Variants in MAGI2 observed in about 807,000 individuals in gnomAD.
MAGI2 encodes the protein membrane-associated guanylate kinase, WW and PDZ domain-containing protein 2.
Under a neutral mutation model 133.3 loss-of-function variants are expected in MAGI2, and 35 were observed. That is an observed-to-expected ratio of 0.26 (90% CI 0.20 to 0.35). The LOEUF (loss-of-function observed/expected upper bound fraction) is 0.35. MAGI2 is among the 10% of genes least tolerant of loss of function. MAGI2 has a pLI of 1.00. For synonymous variants in MAGI2, 729 were observed against 710.6 expected (o/e 1.03, Z -0.41); for missense variants, 1,636 against 1,863.4 (o/e 0.88, Z 2.25).
intron 6 of MAGI2, among the ~76,000 whole-genome samples, chr7:78,375,491 T>C (rs1358485083): frequency 1.3e-5 from 2 of 152,110 alleles, no homozygotes; most frequent in Non-Finnish European, 2.9e-5. Flanking sequence ...AATCATGCAA[T>C]GTACTAAGAT....
intron 2 of MAGI2, among the ~76,000 whole-genome samples, chr7:78,635,001 G>C (rs1206320254): frequency 6.6e-6 from 1 of 152,056 alleles, no homozygotes; most frequent in Non-Finnish European, 1.5e-5. Flanking sequence ...CTAAGTTGAG[G>C]CTTTGTTTCA....
chr7:79,136,703 C>T (rs1235336647), intron 1 of MAGI2, among the ~76,000 whole-genome samples: 3 of 152,158 alleles, frequency 2.0e-5, no homozygotes, highest in African/African-American at 4.8e-5. Context: ...GCTCTGGTTA[C>T]ATTTTGTTAT....
At chr7:78,782,787 T>A (rs1826501061) in intron 2 of MAGI2, among the ~76,000 whole-genome samples, 1 of 152,000 alleles carries the variant, frequency 6.6e-6, no homozygotes, top group Non-Finnish European at 1.5e-5. Context: ...TTTTGTAAAC[T>A]TTGACAGTAC....
intron 6 of MAGI2, among the ~76,000 whole-genome samples, chr7:78,468,185 CT>C (rs1790833280): frequency 6.6e-6 from 1 of 152,102 alleles, no homozygotes; most frequent in South Asian, 2.1e-4. Flanking sequence ...TAATTCCTGC[CT>C]CACATAGTTT....
At chr7:78,831,557 T>A (rs761535632) in intron 2 of MAGI2, among the ~76,000 whole-genome samples, 2 of 152,140 alleles carry the variant, frequency 1.3e-5, no homozygotes, top group Non-Finnish European at 2.9e-5. Context: ...AAAATTATTT[T>A]AAAATGTTTA....
intron 1 of MAGI2, among the ~76,000 whole-genome samples, chr7:79,294,769 A>G (rs535751436): frequency 8.4e-4 from 85 of 100,810 alleles, no homozygotes; most frequent in Non-Finnish European, 1.3e-3. Flanking sequence ...TCACTCTGTT[A>G]CTCGGGCTGG....
chr7:78,312,648 T>C (rs1258791416), intron 9 of MAGI2, among the ~76,000 whole-genome samples: 1 of 152,146 alleles, frequency 6.6e-6, no homozygotes, highest in Non-Finnish European at 1.5e-5. Context: ...ATGCAAATGT[T>C]GGTGAAGACA....
chr7:78,942,857 G>A (rs1321732470), intron 2 of MAGI2, among the ~76,000 whole-genome samples: 1 of 150,488 alleles, frequency 6.6e-6, no homozygotes, highest in African/African-American at 2.5e-5. Context: ...TCATTTTATT[G>A]TAGTGGATAG....
chr7:79,066,286 T>C (rs571608423), intron 1 of MAGI2, among the ~76,000 whole-genome samples: 1 of 117,398 alleles, frequency 8.5e-6, no homozygotes, highest in African/African-American at 5.4e-5. Context: ...CAGTGTGGTG[T>C]TTTTTTTTTT....
At chr7:78,669,759 T>G (rs1158139221) in intron 2 of MAGI2, among the ~76,000 whole-genome samples, 1 of 152,216 alleles carries the variant, frequency 6.6e-6, no homozygotes. Flanking sequence ...GATGCAAGGC[T>G]GGTTCAATAT....
chr7:78,991,441 T>A (rs908290478), intron 2 of MAGI2, among the ~76,000 whole-genome samples: 1 of 151,890 alleles, frequency 6.6e-6, no homozygotes, highest in Non-Finnish European at 1.5e-5. Context: ...CTAAAATATA[T>A]GCTTAAATAT....
intron 9 of MAGI2, among the ~76,000 whole-genome samples, chr7:78,264,944 C>T (rs1335849694): frequency 6.6e-6 from 1 of 152,068 alleles, no homozygotes; most frequent in Non-Finnish European, 1.5e-5. Flanking sequence ...CCAGTGACTC[C>T]AACACTCTTA....
intron 2 of MAGI2, among the ~76,000 whole-genome samples, chr7:78,669,030 C>A (rs951532097): frequency 2.0e-5 from 3 of 152,070 alleles, no homozygotes; most frequent in Non-Finnish European, 2.9e-5. Context: ...CAAGGGCAAA[C>A]ACATTCAAAA....
chr7:78,529,591 AAGCCACAGATATG>A (rs1171313319), intron 3 of MAGI2, among the ~76,000 whole-genome samples: 3 of 151,750 alleles, frequency 2.0e-5, no homozygotes, highest in African/African-American at 7.2e-5. Context: ...AATGGAATGC[AAGCCACAGATATG>A]AGCCACATAT....
In MAGI2 at chr7:78,385,969, T is replaced by A. The variant is rs573121336; in HGVS notation, c.1046-16756A>T. Among the ~76,000 whole-genome samples, 23 of 121,848 alleles carry A rather than the reference T, an allele frequency of 1.9e-4. No homozygotes were observed. The South Asian group carries it at 6.6e-3, about 35-fold the overall frequency. 79.9% of individuals were successfully genotyped at this position (121,848 alleles called of 152,430 possible). A position where few individuals can be genotyped will look rare whatever the true frequency, so the allele number is the denominator to read the frequency against. The stretch of plus-strand genomic sequence containing the variant: ...AGTGCGATTATAGTAAAAACCCTAA[T>A]TTTCCTGATTCAAACAGAGCAAAAC... On this transcript the variant is annotated intron_variant, in intron 6 of 21. Coordinates refer to ENST00000354212, the MANE Select transcript of MAGI2 (RefSeq NM_012301.4).
At chr7:79,038,963 T>G (rs1811363954) in intron 1 of MAGI2, among the ~76,000 whole-genome samples, 2 of 152,246 alleles carry the variant, frequency 1.3e-5, no homozygotes, top group African/African-American at 4.8e-5. Context: ...TACTCCATTA[T>G]AAGTGGATAG....
chr7:79,247,371 T>C (rs1163459169), intron 1 of MAGI2, among the ~76,000 whole-genome samples: 1 of 152,064 alleles, frequency 6.6e-6, no homozygotes, highest in Non-Finnish European at 1.5e-5. Context: ...TCCCAGCACT[T>C]TGGGAGGCTG....
intron 2 of MAGI2, among the ~76,000 whole-genome samples, chr7:78,711,445 A>T (rs1585161008): frequency 6.6e-6 from 1 of 151,980 alleles, no homozygotes; most frequent in Non-Finnish European, 1.5e-5. Context: ...GGTGAATTAG[A>T]TCATCTTTAT....
chr7:78,296,737 C>T (rs975953024), intron 9 of MAGI2, among the ~76,000 whole-genome samples: 2 of 152,178 alleles, frequency 1.3e-5, no homozygotes, highest in Non-Finnish European at 2.9e-5. Context: ...CTTGCTTAAG[C>T]ATCAGAGGGA....
Sources: allele counts gnomAD v4.1 joint callset (sites outside exome capture counted in the v4.1 genomes callset), GRCh38; gene constraint gnomAD v4.1.1; transcripts MANE v1.5; gene names NCBI Gene and HGNC (gene_info 2026-07-23, HGNC 2026-07-21).